KSR1: variants seen among roughly 807,000 people sequenced by gnomAD.
The protein encoded by KSR1 is kinase suppressor of ras.
In KSR1, 35 loss-of-function variants were observed where a neutral mutation model predicts 92.9. The ratio of observed to expected loss-of-function variants is 0.38; its 90% CI spans 0.29 to 0.50. KSR1 has a LOEUF of 0.50. Among genes scored for constraint, KSR1 ranks in the 20% least tolerant of loss-of-function variants. The pLI is 0.94. For missense variants in KSR1, 972 were observed against 1,158.5 expected, an observed-to-expected ratio of 0.84 and a Z score of 2.34; for synonymous variants, 467 against 472.6, an observed-to-expected ratio of 0.99 and a Z score of 0.15.
intron 1 of KSR1, among the ~76,000 whole-genome samples, chr17:27,544,573 G>C (rs2071091337): frequency 6.6e-6 from 1 of 152,204 alleles, no homozygotes; most frequent in Admixed American, 6.5e-5. Context: ...GGCTGGGGTG[G>C]GCCCACAGTA....
At chr17:27,606,089 G>T (rs2073742962) in intron 14 of KSR1, among the ~76,000 whole-genome samples, 1 of 152,206 alleles carries the variant, frequency 6.6e-6, no homozygotes, top group Admixed American at 6.5e-5. Flanking sequence ...AGACCAGCCT[G>T]GGCAACATAC....
chr17:27,545,376 TC>T (rs1477313376), intron 1 of KSR1, among the ~76,000 whole-genome samples: 4 of 152,212 alleles, frequency 2.6e-5, no homozygotes, highest in Non-Finnish European at 2.9e-5. Context: ...GTTCATCCTT[TC>T]AACAAAGGTT....
chr17:27,499,304 C>T lies in KSR1; in HGVS notation c.231+42430C>T, dbSNP rs559123146. Among the ~76,000 whole-genome samples the T allele has an allele frequency of 1.7e-3, 263 of 152,232 alleles. 2 individuals are homozygous for T. Among genetic ancestry groups the T allele is most frequent in the Middle Eastern group, 0.014 (4 of 294 alleles). ...CACAGTCTGCTTTAAATGAAGTCCA[C>T]CCCTAGGACTTATTTTCCTGGGCAC... On this transcript the variant is annotated intron_variant, in intron 1 of 20. Transcript: ENST00000644974.
chr17:27,613,660 G>A (rs1292285660), intron 18 of KSR1, among the ~76,000 whole-genome samples: 1 of 152,188 alleles, frequency 6.6e-6, no homozygotes, highest in Non-Finnish European at 1.5e-5. Context: ...CAGGATGGAG[G>A]TTCTCCAGGG....
chr17:27,473,133 T>C (rs2020111644), intron 1 of KSR1, among the ~76,000 whole-genome samples: 1 of 152,248 alleles, frequency 6.6e-6, no homozygotes, highest in African/African-American at 2.4e-5. Flanking sequence ...TCAGTAATGA[T>C]AACTTTATGA....
intron 16 of KSR1, 103 bp downstream of exon 16, chr17:27,609,432 C>T: frequency 6.9e-7 from 1 of 1,453,764 alleles, no homozygotes; most frequent in Admixed American, 1.8e-5. Context: ...CTGCAGCCCT[C>T]CCTGCAGGGA....
At chr17:27,468,595 C>T (rs534722727) in intron 1 of KSR1, among the ~76,000 whole-genome samples, 2 of 152,174 alleles carry the variant, frequency 1.3e-5, no homozygotes, top group East Asian at 1.9e-4. Context: ...CTGGGCAGTT[C>T]GTCTCTAGGA....
At chr17:27,472,871 G>A (rs1307652517) in intron 1 of KSR1, among the ~76,000 whole-genome samples, 2 of 152,154 alleles carry the variant, frequency 1.3e-5, no homozygotes, top group Non-Finnish European at 2.9e-5. Flanking sequence ...ATAACTCAGG[G>A]CCCTATCCCT....
At chr17:27,615,352 G>A (rs1255220330) in intron 18 of KSR1, among the ~76,000 whole-genome samples, 1 of 152,230 alleles carries the variant, frequency 6.6e-6, no homozygotes, top group African/African-American at 2.4e-5. Flanking sequence ...CTGGTCAGAT[G>A]ATTCACTGGG....
At chr17:27,580,093 C>T (rs971315456) in intron 3 of KSR1, among the ~76,000 whole-genome samples, 4 of 152,066 alleles carry the variant, frequency 2.6e-5, no homozygotes, top group Non-Finnish European at 4.4e-5. Flanking sequence ...ACCCACTGGC[C>T]ATCCTCAAGT....
chr17:27,458,156 A>T (rs1181163484), intron 1 of KSR1, among the ~76,000 whole-genome samples: 2 of 152,188 alleles, frequency 1.3e-5, no homozygotes, highest in Non-Finnish European at 2.9e-5. Flanking sequence ...CTAAAGCTGT[A>T]CTGACCAAGG....
intron 1 of KSR1, among the ~76,000 whole-genome samples, chr17:27,479,634 A>G (rs2068453663): frequency 6.6e-6 from 1 of 152,096 alleles, no homozygotes; most frequent in African/African-American, 2.4e-5. Context: ...CATGAGACAG[A>G]CGCTTGGACT....
At chr17:27,458,453 T>A (rs1225824760) in intron 1 of KSR1, among the ~76,000 whole-genome samples, 2 of 152,218 alleles carry the variant, frequency 1.3e-5, no homozygotes, top group Non-Finnish European at 2.9e-5. Flanking sequence ...TCTGAAGTGC[T>A]CCTGGCTTCC....
At chr17:27,619,922 C>T (rs935551710) in intron 19 of KSR1, among the ~76,000 whole-genome samples, 1 of 152,160 alleles carries the variant, frequency 6.6e-6, no homozygotes, top group East Asian at 1.9e-4. Context: ...TCATGTTGGC[C>T]AGGGTGGTCT....
rs962142116 is a variant in KSR1 at position 27,509,227 on chromosome 17, C to A, written c.232-41341C>A. On this transcript the variant is annotated intron_variant, in intron 1 of 20. Coordinates refer to ENST00000644974, the MANE Select transcript of KSR1 (RefSeq NM_001394583.1). ...CAAATAAATATTAAAGAAGCCAGAGCAGTCTGGGTGCAGTGGCTCATGCCT... is the reference window on the plus strand; with the variant it reads ...CAAATAAATATTAAAGAAGCCAGAGAAGTCTGGGTGCAGTGGCTCATGCCT... Among the ~76,000 whole-genome samples, 22 of 152,236 alleles carry A rather than the reference C, an allele frequency of 1.4e-4. 1 individual carries two copies. Among genetic ancestry groups the A allele is most frequent in the Middle Eastern group, 6.8e-3 (2 of 294 alleles).
chr17:27,580,553 G>A (rs552461683), intron 3 of KSR1, among the ~76,000 whole-genome samples: 3 of 152,106 alleles, frequency 2.0e-5, no homozygotes, highest in Non-Finnish European at 2.9e-5. Context: ...TAGCATTGTC[G>A]GGGGCAAGGT....
intron 1 of KSR1, among the ~76,000 whole-genome samples, chr17:27,494,474 G>GA (rs1337903446): frequency 6.6e-6 from 1 of 152,170 alleles, no homozygotes; most frequent in Non-Finnish European, 1.5e-5. Flanking sequence ...AAGAGCCAGT[G>GA]AAAGGGGCAG....
At chr17:27,507,669 C>T (rs62057785) in intron 1 of KSR1, among the ~76,000 whole-genome samples, 68,834 of 144,096 alleles carry the variant, frequency 0.48, 17,939 homozygotes, top group East Asian at 0.7. Flanking sequence ...CTCCACCTCC[C>T]GGGTTCAAGT....
At chr17:27,565,901 C>G (rs968571429) in intron 2 of KSR1, among the ~76,000 whole-genome samples, 1 of 152,152 alleles carries the variant, frequency 6.6e-6, no homozygotes, top group Non-Finnish European at 1.5e-5. Flanking sequence ...GCATGGACTC[C>G]AGTTCACGGT....
Sources: gnomAD v4.1 joint callset for allele counts (sites outside exome capture counted in the v4.1 genomes callset) on GRCh38, gnomAD v4.1.1 for gene constraint, MANE v1.5 for transcripts, NCBI Gene and HGNC (gene_info 2026-07-23, HGNC 2026-07-21) for gene names.